SLC12A6: variants seen among roughly 807,000 people sequenced by gnomAD.
SLC12A6 encodes solute carrier family 12 member 6.
SLC12A6 carries 66 observed loss-of-function variants against 135.3 expected under a neutral mutation model. That is an observed-to-expected ratio of 0.49 (90% CI 0.40 to 0.60). The LOEUF (loss-of-function observed/expected upper bound fraction) is 0.60. SLC12A6 is among the 20% of genes least tolerant of loss of function. SLC12A6 has a pLI of 0.00. For synonymous variants in SLC12A6, 513 were observed against 508.8 expected (o/e 1.01, Z -0.11); for missense variants, 1,058 against 1,452.3 (o/e 0.73, Z 4.41).
intron 2 of SLC12A6, among the ~76,000 whole-genome samples, chr15:34,292,738 AC>A (rs36024070): frequency 0.056 from 8,490 of 152,130 alleles, 766 homozygotes; most frequent in African/African-American, 0.19. Flanking sequence ...CCCTTGCCCC[AC>A]CAAGCTCCCA....
In SLC12A6 at chr15:34,231,192, G is replaced by A. The variant is rs1185205356; in HGVS notation, c.*2689C>T. ...ACATCAGTTTCAGTAGAGAAACCCCGTCTCTACTGAAAATACAAAATTAGC... is the reference window on the plus strand; with the variant it reads ...ACATCAGTTTCAGTAGAGAAACCCCATCTCTACTGAAAATACAAAATTAGC... On this transcript the variant is annotated 3_prime_UTR_variant, in exon 26 of 26. Coordinates refer to ENST00000354181, the MANE Select transcript of SLC12A6 (RefSeq NM_001365088.1). 4 of 152,118 alleles carry A rather than the reference G, an allele frequency of 2.6e-5. No individual in the cohort carries two copies. Among genetic ancestry groups the A allele is most frequent in the Non-Finnish European group, 5.9e-5 (4 of 68,082 alleles). The allele number at this position is 152,118 out of a possible 1,614,324, so 9.4% of individuals were successfully genotyped here. A position where few individuals can be genotyped will look rare whatever the true frequency, so the allele number is the denominator to read the frequency against.
intron 22 of SLC12A6, chr15:34,237,168 T>C (rs1595400575): frequency 2.1e-6 from 1 of 477,702 alleles, no homozygotes; most frequent in East Asian, 4.1e-5. Context: ...ATTAAGCAGA[T>C]GAGAATCTGG....
intron 6 of SLC12A6, chr15:34,257,439 T>A: frequency 1.8e-6 from 1 of 561,090 alleles, no homozygotes; most frequent in Non-Finnish European, 3.2e-6. Context: ...TTCTAGTACA[T>A]CATATAATAG....
chr15:34,310,708 A>AGT (rs371907295), intron 2 of SLC12A6, among the ~76,000 whole-genome samples: 784 of 14,994 alleles, frequency 0.052, 100 homozygotes, highest in African/African-American at 0.1. Context: ...TGGGCTCAAG[A>AGT]GTGTGTGTGT....
chr15:34,294,057 T>C (rs551209426), intron 2 of SLC12A6, among the ~76,000 whole-genome samples: 29 of 152,372 alleles, frequency 1.9e-4, no homozygotes, highest in African/African-American at 6.0e-4. Context: ...ACTATGCAGA[T>C]TGAATTTATT....
intron 2 of SLC12A6, among the ~76,000 whole-genome samples, chr15:34,278,974 G>C (rs8039679): frequency 1 from 152,260 of 152,260 alleles, 76,130 homozygotes; most frequent in Non-Finnish European, 1. Flanking sequence ...ATTTAGTAAT[G>C]TGAAGACTAA....
In SLC12A6 at chr15:34,260,940, A is replaced by C; in HGVS notation, c.397T>G (p.Leu133Val). 1 of 1,467,324 alleles carries C rather than the reference A, an allele frequency of 6.8e-7. No individual in the cohort carries two copies. Among genetic ancestry groups the C allele is most frequent in the Non-Finnish European group, 9.6e-7 (1 of 1,046,432 alleles). The allele number at this position is 1,467,324 out of a possible 1,614,324, so 90.9% of individuals were successfully genotyped here. ...CAAAATATTACCTCAAAGAGTGCCA[A>C]ATTTTTATCAAAATATTCATCTCCT... ...EEGDEYFDKN[L>V]ALFEEEMDTR... is the part of the protein sequence containing the mutation. Residue 133 changes from leucine to valine, a missense_variant, in exon 4 of 26, where the codon TTG becomes GTG. Leu to Val is a conservative substitution (Grantham distance 32). Transcript: ENST00000354181.
In SLC12A6 at chr15:34,245,387, T is replaced by C. The variant is rs776330723; in HGVS notation, c.1841A>G (p.Lys614Arg). ...IPFLRVFGHS[K>R]ANGEPTWALL... Reference sequence around the variant, plus strand: ...AGCCCAGGTAGGTTCCCCATTGGCTTTGCTGTGGCCAAAAACCTGTACACA... The same window carrying C: ...AGCCCAGGTAGGTTCCCCATTGGCTCTGCTGTGGCCAAAAACCTGTACACA... Residue 614 changes from lysine to arginine, a missense_variant, in exon 15 of 26, where the codon AAA (lysine) becomes AGA (arginine). Physicochemically the swap from Lys to Arg is conservative, Grantham distance 26. Transcript: ENST00000354181. The C allele has an allele frequency of 6.2e-7, 1 of 1,607,234 alleles. No individual in the cohort carries two copies. The highest frequency in any genetic ancestry group is 1.1e-5 in the South Asian group (1 of 90,934).
At chr15:34,318,708 C>G in intron 2 of SLC12A6, 1 of 1,612,966 alleles carries the variant, frequency 6.2e-7, no homozygotes, top group Non-Finnish European at 8.5e-7. Context: ...TTTGCTCTTT[C>G]TGTATTTAAA....
At chr15:34,235,451 T>TTTTTG in intron 24 of SLC12A6, 137 bp from the exon 25 acceptor site, 2 of 691,424 alleles carry the variant, frequency 2.9e-6, no homozygotes, top group Non-Finnish European at 4.8e-6. Flanking sequence ...TTTTTTTTTT[T>TTTTTG]GAGAGGGAGT....
chr15:34,333,996 G>C (rs762377111), intron 2 of SLC12A6, among the ~76,000 whole-genome samples: 27 of 151,844 alleles, frequency 1.8e-4, no homozygotes, highest in Non-Finnish European at 3.5e-4. Context: ...CTGGAACCCG[G>C]GAGACAGAGA....
intron 19 of SLC12A6, among the ~76,000 whole-genome samples, 159 bp downstream of exon 19, chr15:34,240,502 C>A (rs1250603683): frequency 1.3e-5 from 2 of 152,128 alleles, no homozygotes; most frequent in Admixed American, 6.5e-5. Context: ...TTTGGCTCAT[C>A]TTATTATTTG....
intron 13 of SLC12A6, among the ~76,000 whole-genome samples, chr15:34,248,729 T>C (rs1892179435): frequency 6.6e-6 from 1 of 152,106 alleles, no homozygotes; most frequent in African/African-American, 2.4e-5. Flanking sequence ...AGCTGCAATA[T>C]AGCATCATAA....
chr15:34,304,872 C>T (rs1335613422), intron 2 of SLC12A6, among the ~76,000 whole-genome samples: 1 of 152,204 alleles, frequency 6.6e-6, no homozygotes, highest in South Asian at 2.1e-4. Flanking sequence ...CTATCCCTTT[C>T]ATCATGTGAT....
intron 2 of SLC12A6, among the ~76,000 whole-genome samples, chr15:34,330,903 G>A (rs1241147430): frequency 1.4e-4 from 21 of 152,152 alleles, no homozygotes; most frequent in African/African-American, 4.3e-4. Context: ...TTAGCTGGGT[G>A]TAGTGGCACG....
intron 24 of SLC12A6, 122 bp from the exon 25 acceptor site, chr15:34,235,436 T>C: frequency 1.3e-6 from 1 of 765,476 alleles, no homozygotes; most frequent in Non-Finnish European, 2.1e-6. Context: ...AAATGATTTT[T>C]TTTTTTTTTT....
intron 15 of SLC12A6, among the ~76,000 whole-genome samples, chr15:34,244,843 T>G (rs913788021): frequency 2.6e-5 from 4 of 152,224 alleles, no homozygotes; most frequent in Admixed American, 2.6e-4. Context: ...GGGCACTCAG[T>G]GTTCACCTTT....
At chr15:34,269,966 T>G (rs575744409) in intron 3 of SLC12A6, among the ~76,000 whole-genome samples, 16 of 152,306 alleles carry the variant, frequency 1.1e-4, no homozygotes, top group Admixed American at 5.2e-4. Context: ...TTATTGTTCC[T>G]TCATTTATTA....
At chr15:34,306,272 C>G (rs1283451008) in intron 2 of SLC12A6, among the ~76,000 whole-genome samples, 1 of 152,204 alleles carries the variant, frequency 6.6e-6, no homozygotes, top group Non-Finnish European at 1.5e-5. Context: ...AGTGCTGCAG[C>G]AGGCAAGCCA....
Sources: allele counts gnomAD v4.1 joint callset (sites outside exome capture counted in the v4.1 genomes callset), GRCh38; gene constraint gnomAD v4.1.1; transcripts MANE v1.5; gene names NCBI Gene and HGNC (gene_info 2026-07-23, HGNC 2026-07-21).